WDR90: variants seen among roughly 807,000 people sequenced by gnomAD.
WDR90 encodes the protein WD repeat-containing protein 90.
In WDR90, 238 loss-of-function variants were observed where a neutral mutation model predicts 195.2. That is an observed-to-expected ratio of 1.22 (90% confidence interval 1.10 to 1.36). The LOEUF (loss-of-function observed/expected upper bound fraction) is 1.36, where lower values mean the gene tolerates loss of function less well. Ranked by LOEUF, WDR90 falls within the 40% of genes most tolerant of loss-of-function variation. The probability of loss-of-function intolerance (pLI) is 0.00; values close to 1 mark genes in which losing one functional copy is unlikely to be tolerated. For synonymous variants in WDR90, 1,265 were observed against 1,052.4 expected (o/e 1.20, Z -3.91); for missense variants, 2,734 against 2,439.5 (o/e 1.12, Z -2.54).
chr16:661,211 C>T (rs896125556), intron 29 of WDR90, 39 bp downstream of exon 29: 10 of 1,516,882 alleles, frequency 6.6e-6, no homozygotes, highest in Non-Finnish European at 8.8e-6. Context: ...CCCAGGGCCA[C>T]CGTGCCCGGC....
In WDR90 at chr16:652,002, C is replaced by T. The variant is rs377203473; in HGVS notation, c.1016C>T (p.Ser339Leu). 2.6e-5 allele frequency: 41 copies of T among 1,604,398 alleles called. No individual in the cohort carries two copies. Among genetic ancestry groups the T allele is most frequent in the South Asian group, 2.5e-4 (22 of 89,776 alleles). Residue 339 changes from serine (S) to leucine (L), a missense_variant, in exon 9 of 41, where the codon TCG (serine) becomes TTG (leucine). Physicochemically the swap from Ser to Leu is moderately radical, Grantham distance 145. Coordinates refer to ENST00000293879, the MANE Select transcript of WDR90 (RefSeq NM_145294.5). ...GGCACCCACGTGTTGACTCACGAGTCGGCTGAGGTGCCCGTGGCCCGCACC... is the reference window on the plus strand; with the variant it reads ...GGCACCCACGTGTTGACTCACGAGTTGGCTGAGGTGCCCGTGGCCCGCACC... ...AAGTHVLTHE[S>L]AEVPVARTGS... is the part of the protein sequence containing the mutation.
rs1567216560 is a variant in WDR90 at position 655,800 on chromosome 16, G to C, written c.1877G>C (p.Ser626Thr). The change falls in exon 17 of 41, where the codon AGC (serine) becomes ACC (threonine). Residue 626 changes from serine to threonine, a missense_variant. Physicochemically the swap from Ser to Thr is moderately conservative, Grantham distance 58. Coordinates refer to ENST00000293879, the MANE Select transcript of WDR90 (RefSeq NM_145294.5). Reference protein sequence around the residue: ...SGPGIAISSLSVSPAMCAVGS... With the variant: ...SGPGIAISSLTVSPAMCAVGS... ...CCCGGCATTGCCATCAGCAGCCTCA[G>C]CGTCTCCCCGGCCATGTGTGCTGTG... 1 of 1,590,640 alleles carries C rather than the reference G, an allele frequency of 6.3e-7. No individual in the cohort carries two copies.
intron 14 of WDR90, 41 bp downstream of exon 14, chr16:655,188 G>C: frequency 6.2e-7 from 1 of 1,612,394 alleles, no homozygotes; most frequent in South Asian, 1.1e-5. Context: ...AGAGGGTCTG[G>C]GCCCGGAGTG....
rs777644150 is a variant in WDR90 at position 651,214 on chromosome 16, C to T, written c.684C>T (p.Ser228=). Residue 228 remains serine, a synonymous_variant, in exon 7 of 41, where the codon AGC becomes AGT. Coordinates refer to ENST00000293879, the MANE Select transcript of WDR90 (RefSeq NM_145294.5). The part of the protein sequence containing the change: ...RYIHVRFPSE[S]LKVPSKPIEK... ...GCCTGCCAAGGTTTCCAAGTGAGAG[C>T]TTGAAAGTGCCTTCCAAGCCGATTG... The T allele has an allele frequency of 9.3e-6, 15 of 1,613,052 alleles. No homozygotes were observed. The highest frequency in any genetic ancestry group is 2.7e-5 in the African/African-American group (2 of 74,946).
chr16:660,164 G>A lies in WDR90; in HGVS notation c.3288+3G>A, dbSNP rs1596466288. On this transcript the variant is annotated splice_donor_region_variant and intron_variant, in intron 27 of 40. Coordinates refer to ENST00000293879, the MANE Select transcript of WDR90 (RefSeq NM_145294.5). Reference sequence around the variant, plus strand: ...GCTGCAGCCCCCACTCTGCCAAGGTGGGGAGTGGTTTCTGGGAGCCCTCTT... The same window carrying A: ...GCTGCAGCCCCCACTCTGCCAAGGTAGGGAGTGGTTTCTGGGAGCCCTCTT... 6.6e-7 allele frequency: 1 copy of A among 1,516,098 alleles called. No individual in the cohort carries two copies. The highest frequency in any genetic ancestry group is 2.5e-5 in the East Asian group (1 of 39,936). The allele number at this position is 1,516,098 out of a possible 1,614,324, so 93.9% of individuals were successfully genotyped here.
chr16:667,496 C>G lies in WDR90; in HGVS notation c.5154C>G (p.Asn1718Lys), dbSNP rs76093712. 1 of 1,612,066 alleles carries G rather than the reference C, an allele frequency of 6.2e-7. No individual in the cohort carries two copies. The highest frequency in any genetic ancestry group is 1.7e-5 in the Admixed American group (1 of 60,016). ...CCCAAGACTTTGCCGGCCACGACAA[C>G]GCAGTGCACCTGTGCAGGTTTACAC... ...GTAQDFAGHD[N>K]AVHLCRFTPS... is the part of the protein sequence containing the mutation. The change falls in exon 41 of 41, where the codon AAC (asparagine) becomes AAG (lysine). Residue 1718 changes from asparagine (N) to lysine (K), a missense_variant. Physicochemically the swap from Asn to Lys is moderately conservative, Grantham distance 94. Transcript: ENST00000293879.
At chr16:651,326 T>C (rs1327545552) in intron 7 of WDR90, 60 bp downstream of exon 7, 24 of 1,575,472 alleles carry the variant, frequency 1.5e-5, no homozygotes, top group Non-Finnish European at 2.1e-5. Flanking sequence ...TGGGGCTCGG[T>C]AGGAGAGGGC....
Position 662,257 on chromosome 16 carries a change from C to T in WDR90, c.4071C>T (p.Gly1357=), listed in dbSNP as rs745781384. Residue 1357 remains glycine, a synonymous_variant, in exon 33 of 41, where the codon GGC becomes GGT. Coordinates refer to ENST00000293879, the MANE Select transcript of WDR90 (RefSeq NM_145294.5). ...TCTCGGGTTCTCGATTGGTCAGCGGCAGCAGCACGGGGCGGCTGCGCCTGT... is the reference window on the plus strand; with the variant it reads ...TCTCGGGTTCTCGATTGGTCAGCGGTAGCAGCACGGGGCGGCTGCGCCTGT... ...LLFSGSRLVS[G]SSTGRLRLWA... 1 of 1,584,084 alleles carries T rather than the reference C, an allele frequency of 6.3e-7. No homozygotes were observed.
chr16:663,950 T>C (rs1389715079), intron 34 of WDR90, among the ~76,000 whole-genome samples: 6 of 152,312 alleles, frequency 3.9e-5, no homozygotes, highest in African/African-American at 1.4e-4. Context: ...CCCCACGGGA[T>C]TGATTTTTCC....
In WDR90 at chr16:661,740, G is replaced by T; in HGVS notation, c.3817G>T (p.Val1273Phe). ...GCTCACCTGTGTGGGCCAGGGCACT[G>T]TCACCTTCTGGCTCCTTCAGCAGCG... The part of the protein sequence containing the change: ...GELTCVGQGT[V>F]TFWLLQQRGA... The change falls in exon 31 of 41, where the codon GTC (valine) becomes TTC (phenylalanine). Residue 1273 changes from valine (V) to phenylalanine (F), a missense_variant. Coordinates refer to ENST00000293879, the MANE Select transcript of WDR90 (RefSeq NM_145294.5). The T allele has an allele frequency of 1.2e-6, 2 of 1,611,206 alleles. No homozygotes were observed. Among genetic ancestry groups the T allele is most frequent in the South Asian group, 2.2e-5 (2 of 90,956 alleles).
chr16:663,086 C>G (rs1384722563), intron 34 of WDR90: 2 of 654,302 alleles, frequency 3.1e-6, no homozygotes, highest in African/African-American at 3.6e-5. Flanking sequence ...CTGTCCTTTC[C>G]CTGCTATTGC....
rs200411070 is a variant in WDR90 at position 662,803 on chromosome 16, G to A, written c.4270G>A (p.Glu1424Lys). The change falls in exon 34 of 41, where the codon GAG becomes AAG. Residue 1424 changes from glutamate to lysine, a missense_variant. Coordinates refer to ENST00000293879, the MANE Select transcript of WDR90 (RefSeq NM_145294.5). Reference protein sequence around the residue: ...AGTLWFVSWAEGTSTRLISGH... With the variant: ...AGTLWFVSWAKGTSTRLISGH... ...CACGCTGTGGTTTGTCAGCTGGGCC[G>A]AGGGCACCAGCACACGTCTCATCAG... The A allele has an allele frequency of 4.0e-5, 64 of 1,596,746 alleles. No homozygotes were observed. The highest frequency in any genetic ancestry group is 1.5e-4 in the African/African-American group (11 of 74,610).
At position 660,694 on chromosome 16, in the gene WDR90, TGGTCTGGAGGCCGGACACA is replaced by T; in HGVS notation, c.3375_3391+2del. On this transcript the variant is annotated frameshift_variant and splice_region_variant, in exon 28 of 41. Transcript: ENST00000293879. LOFTEE classifies it high-confidence loss of function. Reference sequence around the variant, plus strand: ...TACAGCGGGAATGGGCGGGCCAACATGGTCTGGAGGCCGGACACAGGTGGGGGCCAAGAGCCTACCCCCA... The same window carrying T: ...TACAGCGGGAATGGGCGGGCCAACATGGTGGGGGCCAAGAGCCTACCCCCA... The T allele has an allele frequency of 6.4e-7, 1 of 1,574,352 alleles. No homozygotes were observed. The highest frequency in any genetic ancestry group is 1.2e-5 in the South Asian group (1 of 86,084).
Position 656,456 on chromosome 16 carries a change from C to T in WDR90, c.2121C>T (p.Ala707=), listed in dbSNP as rs1338796204. ...ACACCGCCCCGGTGTTGGCCCTCGC[C>T]ATGGAGCAGAGGCGGGGACAGCTGG... ...RSHTAPVLAL[A]MEQRRGQLAT... is the part of the protein sequence containing the mutation. Residue 707 remains alanine (A), a synonymous_variant, in exon 18 of 41, where the codon GCC becomes GCT. Coordinates refer to ENST00000293879, the MANE Select transcript of WDR90 (RefSeq NM_145294.5). The T allele has an allele frequency of 1.2e-6, 2 of 1,600,316 alleles. No homozygotes were observed. Among genetic ancestry groups the T allele is most frequent in the Admixed American group, 3.4e-5 (2 of 59,078 alleles).
Position 665,537 on chromosome 16 carries a change from T to A in WDR90, c.4312-142T>A, listed in dbSNP as rs1462082388. The A allele has an allele frequency of 2.2e-6, 3 of 1,377,978 alleles. No individual in the cohort carries two copies. The African/African-American group carries it at 4.3e-5, about 20-fold the overall frequency. The allele number at this position is 1,377,978 out of a possible 1,614,324, so 85.4% of individuals were successfully genotyped here. Reference sequence around the variant, plus strand: ...CACACGGGGGCCGGCATTGCTCCTTTCCGCCATGTGGAGTTGGCCGGGGCC... The same window carrying A: ...CACACGGGGGCCGGCATTGCTCCTTACCGCCATGTGGAGTTGGCCGGGGCC... On this transcript the variant is annotated intron_variant, in intron 34 of 40. Transcript: ENST00000293879.
chr16:667,823 T>G lies in WDR90; in HGVS notation c.*234T>G. ...TCTATCTTGTAATAAACATGGGCAT[T>G]TATTGCATTATTGCTGCATTGTTGC... is the stretch of plus-strand genomic sequence containing the variant. On this transcript the variant is annotated 3_prime_UTR_variant, in exon 41 of 41. Transcript: ENST00000293879. The G allele has an allele frequency of 1.5e-6, 1 of 655,042 alleles. No homozygotes were observed. Among genetic ancestry groups the G allele is most frequent in the Non-Finnish European group, 2.7e-6 (1 of 364,882 alleles). 40.6% of individuals were successfully genotyped at this position (655,042 alleles called of 1,614,324 possible). A position where few individuals can be genotyped will look rare whatever the true frequency, so the allele number is the denominator to read the frequency against.
intron 2 of WDR90, 54 bp from the exon 3 acceptor site, chr16:649,937 C>T (rs1286035057): frequency 1.1e-5 from 17 of 1,605,880 alleles, no homozygotes; most frequent in Non-Finnish European, 1.3e-5. Flanking sequence ...GCCCCCTCGC[C>T]CCCGCTGCAC....
chr16:655,083 C>G lies in WDR90; in HGVS notation c.1492C>G (p.Leu498Val), dbSNP rs2037721968. The G allele has an allele frequency of 5.0e-6, 8 of 1,612,630 alleles. No homozygotes were observed. The highest frequency in any genetic ancestry group is 5.9e-6 in the Non-Finnish European group (7 of 1,179,874). ...QVGLGGEVVV[L>V]AKAHTDFDVQ... Reference sequence around the variant, plus strand: ...GGGCCTCGGTGGCGAGGTGGTCGTTCTGGCAAAGGCGCACACTGACTTTGA... The same window carrying G: ...GGGCCTCGGTGGCGAGGTGGTCGTTGTGGCAAAGGCGCACACTGACTTTGA... Residue 498 changes from leucine to valine, a missense_variant, in exon 14 of 41, where the codon CTG becomes GTG. Physicochemically the swap from Leu to Val is conservative, Grantham distance 32 (BLOSUM62 1). Coordinates refer to ENST00000293879, the MANE Select transcript of WDR90 (RefSeq NM_145294.5).
chr16:650,472 G>A, intron 4 of WDR90, 67 bp from the exon 5 acceptor site: 1 of 1,588,238 alleles, frequency 6.3e-7, no homozygotes, highest in Non-Finnish European at 8.6e-7. Context: ...GGGGGCACAA[G>A]CTCACAGTTC....
Sources: allele counts gnomAD v4.1 joint callset (sites outside exome capture counted in the v4.1 genomes callset), GRCh38; gene constraint gnomAD v4.1.1; transcripts MANE v1.5; gene names NCBI Gene and HGNC (gene_info 2026-07-23, HGNC 2026-07-21).